The following CNTN5 variants were observed in gnomAD, a reference collection of about 807,000 sequenced individuals.
CNTN5 encodes contactin-5.
In CNTN5, 77 loss-of-function variants were observed where a neutral mutation model predicts 129.1. The ratio of observed to expected loss-of-function variants is 0.60; its 90% confidence interval spans 0.50 to 0.72. The LOEUF (loss-of-function observed/expected upper bound fraction) is 0.72, where lower values mean the gene tolerates loss of function less well. Among genes scored for constraint, CNTN5 ranks in the 30% least tolerant of loss-of-function variants. The probability of loss-of-function intolerance (pLI) is 0.00; values close to 1 mark genes in which losing one functional copy is unlikely to be tolerated. For synonymous variants in CNTN5, 509 were observed against 465.6 expected, an observed-to-expected ratio of 1.09 and a Z score of -1.20; for missense variants, 1,478 against 1,328.8, an observed-to-expected ratio of 1.11 and a Z score of -1.75.
chr11:100,326,783 C>T (rs1481121812), intron 21 of CNTN5, among the ~76,000 whole-genome samples: 1 of 152,114 alleles, frequency 6.6e-6, no homozygotes, highest in Admixed American at 6.5e-5. Context: ...GGGGTGGTTT[C>T]TTTAAAGAAG....
In CNTN5 at chr11:100,271,245, A is replaced by C. The variant is rs186522358; in HGVS notation, c.2314+4A>C. The C allele has an allele frequency of 6.9e-6, 11 of 1,591,592 alleles. No individual in the cohort carries two copies. In the Admixed American group the frequency reaches 2.0e-4, roughly 29 times the overall value. On this transcript the variant is annotated splice_donor_region_variant and intron_variant, in intron 18 of 24. Coordinates refer to ENST00000524871, the MANE Select transcript of CNTN5 (RefSeq NM_014361.4). The stretch of plus-strand genomic sequence containing the variant: ...ATGATCCGCACAAATGAAGCAGGTA[A>C]AAATTTGGAAGAGTCAGATTGGATT...
rs556353845 is a variant in CNTN5 at position 99,673,664 on chromosome 11, T to G, written c.55+117395T>G. Among the ~76,000 whole-genome samples the G allele has an allele frequency of 2.0e-5, 3 of 152,276 alleles. No homozygotes were observed. The South Asian group carries it at 6.2e-4, about 32-fold the overall frequency. ...CTATATGTCCATGTGTTCTCATCAT[T>G]TATCTCCCACTTATAAGTGAGAACA... On this transcript the variant is annotated intron_variant, in intron 3 of 24. Transcript: ENST00000524871.
At chr11:99,184,959 T>G (rs1401832643) in intron 1 of CNTN5, among the ~76,000 whole-genome samples, 2 of 145,820 alleles carry the variant, frequency 1.4e-5, no homozygotes, top group East Asian at 3.9e-4. Flanking sequence ...ATTAAATAAA[T>G]CAATTCCAGA....
intron 2 of CNTN5, among the ~76,000 whole-genome samples, chr11:99,428,429 C>T (rs890085229): frequency 4.2e-4 from 64 of 151,590 alleles, no homozygotes; most frequent in African/African-American, 1.5e-3. Flanking sequence ...GGCTTCGTGG[C>T]ATGTCCCTGT....
At position 99,903,533 on chromosome 11, in the gene CNTN5, T is replaced by C. The variant is rs1949413810; in HGVS notation, c.578-12521T>C. Among the ~76,000 whole-genome samples, 4 of 152,146 alleles carry C rather than the reference T, an allele frequency of 2.6e-5. No individual in the cohort carries two copies. The South Asian group carries it at 8.3e-4, about 31-fold the overall frequency. On this transcript the variant is annotated intron_variant, in intron 6 of 24. Transcript: ENST00000524871. The stretch of plus-strand genomic sequence containing the variant: ...TACTCACCAGTTAATTATGTTTTTC[T>C]CATTGGATATGTGGAAAAGAAATAA...
intron 1 of CNTN5, among the ~76,000 whole-genome samples, chr11:99,214,184 C>G (rs999399424): frequency 6.6e-6 from 1 of 151,840 alleles, no homozygotes; most frequent in Non-Finnish European, 1.5e-5. Flanking sequence ...TAAAACTTAA[C>G]TGGAAGTCAG....
chr11:99,553,977 C>CACACACACACACACAT lies in CNTN5; in HGVS notation c.-70-2153_-70-2152insTACACACACACACACA, dbSNP rs1555025609. On this transcript the variant is annotated intron_variant, in intron 2 of 24. Transcript: ENST00000524871. ...GCTTGAAAATGAATACACACACACACACACACACACACACACACATACACA... is the reference window on the plus strand; with the variant it reads ...GCTTGAAAATGAATACACACACACACACACACACACACACATACACACACACACACACACATACACA... Among the ~76,000 whole-genome samples, 51 of 124,564 alleles carry CACACACACACACACAT rather than the reference C, an allele frequency of 4.1e-4. No individual in the cohort carries two copies. In the South Asian group the frequency reaches 7.4e-3, roughly 18 times the overall value. 81.7% of individuals were successfully genotyped at this position (124,564 alleles called of 152,430 possible).
chr11:100,035,511 G>T (rs1211035889), intron 9 of CNTN5, among the ~76,000 whole-genome samples: 1 of 145,994 alleles, frequency 6.8e-6, no homozygotes, highest in African/African-American at 2.6e-5. Context: ...GGGTCAAATG[G>T]TATTTCTAGT....
At chr11:99,889,317 TGTGTGTGTGTGTGTG>T (rs1565642606) in intron 6 of CNTN5, among the ~76,000 whole-genome samples, 2 of 132,712 alleles carry the variant, frequency 1.5e-5, no homozygotes, top group East Asian at 8.6e-4. Flanking sequence ...TGTGTGTGTG[TGTGTGTGTGTGTGTG>T]TGTGTGTGTG....
chr11:100,012,519 A>G (rs1242420300), intron 9 of CNTN5, among the ~76,000 whole-genome samples: 1 of 152,148 alleles, frequency 6.6e-6, no homozygotes, highest in African/African-American at 2.4e-5. Flanking sequence ...TTTATTATTC[A>G]CATTTAGAGT....
intron 2 of CNTN5, among the ~76,000 whole-genome samples, chr11:99,417,908 A>G (rs1436833138): frequency 6.6e-6 from 1 of 152,174 alleles, no homozygotes; most frequent in Non-Finnish European, 1.5e-5. Context: ...TTGTGGTAAC[A>G]TTAGAAAAGT....
intron 3 of CNTN5, among the ~76,000 whole-genome samples, chr11:99,796,747 C>A (rs1242394514): frequency 3.9e-5 from 6 of 152,066 alleles, no homozygotes; most frequent in African/African-American, 1.4e-4. Flanking sequence ...GGAAACCCAG[C>A]AAGGCTTGGA....
At chr11:99,186,376 GC>G (rs1242312723) in intron 1 of CNTN5, among the ~76,000 whole-genome samples, 1 of 151,816 alleles carries the variant, frequency 6.6e-6, no homozygotes, top group African/African-American at 2.4e-5. Flanking sequence ...TATCAGCTCT[GC>G]TTTTATTGGG....
In CNTN5 at chr11:99,912,226, C is replaced by G. The variant is rs1356253043; in HGVS notation, c.578-3828C>G. On this transcript the variant is annotated intron_variant, in intron 6 of 24. Coordinates refer to ENST00000524871, the MANE Select transcript of CNTN5 (RefSeq NM_014361.4). The stretch of plus-strand genomic sequence containing the variant: ...AGGAAATAAAGGAAAAATCTAAAGT[C>G]TGTGTGTATGTGTGTTCATGTATTA... Among the ~76,000 whole-genome samples the G allele has an allele frequency of 2.0e-5, 3 of 151,798 alleles. No homozygotes were observed. In the East Asian group the frequency reaches 5.8e-4, roughly 29 times the overall value.
chr11:100,029,581 A>C (rs999071802), intron 9 of CNTN5, among the ~76,000 whole-genome samples: 1 of 121,634 alleles, frequency 8.2e-6, no homozygotes, highest in Non-Finnish European at 1.7e-5. Flanking sequence ...ACTCCATCTC[A>C]AAAAAAAAGA....
At chr11:99,443,849 A>C (rs376775501) in intron 2 of CNTN5, among the ~76,000 whole-genome samples, 1 of 152,188 alleles carries the variant, frequency 6.6e-6, no homozygotes, top group Non-Finnish European at 1.5e-5. Context: ...ATGATTTGGA[A>C]CACAAAGAAG....
chr11:99,433,471 A>T (rs1411178805), intron 2 of CNTN5, among the ~76,000 whole-genome samples: 1 of 151,112 alleles, frequency 6.6e-6, no homozygotes, highest in East Asian at 1.9e-4. Flanking sequence ...TAAACATATC[A>T]GTTACTGTAA....
At chr11:99,770,210 G>T (rs746298184) in intron 3 of CNTN5, among the ~76,000 whole-genome samples, 1 of 151,904 alleles carries the variant, frequency 6.6e-6, no homozygotes, top group Non-Finnish European at 1.5e-5. Flanking sequence ...ATAATATTAA[G>T]GTTTGCTTTA....
intron 3 of CNTN5, among the ~76,000 whole-genome samples, chr11:99,799,479 T>TGC (rs763026440): frequency 1.8e-4 from 28 of 151,992 alleles, no homozygotes; most frequent in Non-Finnish European, 3.8e-4. Context: ...TTTTATCAAA[T>TGC]GCTCTTCCTT....
Sources: gnomAD v4.1 joint callset for allele counts (sites outside exome capture counted in the v4.1 genomes callset) on GRCh38, gnomAD v4.1.1 for gene constraint, MANE v1.5 for transcripts, NCBI Gene and HGNC (gene_info 2026-07-23, HGNC 2026-07-21) for gene names.